Variants in MYO16 observed in about 807,000 individuals in gnomAD.
MYO16 encodes myosin XVI.
MYO16 carries 94 observed loss-of-function variants against 205.3 expected under a neutral mutation model. That is an observed-to-expected ratio of 0.46 (90% confidence interval 0.39 to 0.54). MYO16 has a LOEUF of 0.54. Among genes scored for constraint, MYO16 ranks in the 20% least tolerant of loss-of-function variants. MYO16 has a pLI of 0.00. For synonymous variants in MYO16, 988 were observed against 954.0 expected (o/e 1.04, Z -0.66); for missense variants, 2,315 against 2,387.5 (o/e 0.97, Z 0.63).
At chr13:108,727,317 G>C in intron 3 of MYO16, 123 bp from the exon 4 acceptor site, 1 of 936,004 alleles carries the variant, frequency 1.1e-6, no homozygotes, top group Non-Finnish European at 1.6e-6. Context: ...CTTTTCCCAG[G>C]TTAGCTTCAC....
In MYO16 at chr13:109,179,410, A is replaced by AGTT. The variant is rs1434661721; in HGVS notation, c.5324-131_5324-129dup. 4.7e-6 allele frequency: 3 copies of AGTT among 634,336 alleles called. No individual in the cohort carries two copies. In the East Asian group the frequency reaches 8.6e-5, roughly 18 times the overall value. The allele number at this position is 634,336 out of a possible 1,614,324, so 39.3% of individuals were successfully genotyped here. On this transcript the variant is annotated intron_variant, in intron 33 of 34. Transcript: ENST00000457511. Reference sequence around the variant, plus strand: ...TGTTTCATTGCAAAATTTAGTATTTAGTTTGTGTTTAAGGATCATCATTTC... The same window carrying AGTT: ...TGTTTCATTGCAAAATTTAGTATTTAGTTGTTTGTGTTTAAGGATCATCATTTC...
intron 23 of MYO16, among the ~76,000 whole-genome samples, chr13:109,044,302 T>C (rs1296091580): frequency 1.3e-5 from 2 of 152,132 alleles, no homozygotes; most frequent in Non-Finnish European, 2.9e-5. Context: ...AAAAGCATGT[T>C]TAGAAAGTGG....
intron 27 of MYO16, among the ~76,000 whole-genome samples, chr13:109,070,889 T>A (rs759740104): frequency 1.3e-5 from 2 of 152,136 alleles, no homozygotes; most frequent in Non-Finnish European, 2.9e-5. Context: ...TGATCTCATG[T>A]TTAGGTGAGA....
At chr13:108,520,888 T>C in the MYO16 span, among the ~76,000 whole-genome samples, 1 of 152,180 alleles carries the variant, frequency 6.6e-6, no homozygotes, top group Admixed American at 6.5e-5. Flanking sequence ...TTGGAATTAA[T>C]TACAATTTGG....
At chr13:108,995,473 T>C (rs1884972191) in intron 21 of MYO16, among the ~76,000 whole-genome samples, 1 of 152,164 alleles carries the variant, frequency 6.6e-6, no homozygotes, top group African/African-American at 2.4e-5. Flanking sequence ...AGTTTTAGGG[T>C]ACATGTGCAC....
chr13:108,651,262 A>G (rs1005685376), intron 1 of MYO16, among the ~76,000 whole-genome samples: 1 of 152,166 alleles, frequency 6.6e-6, no homozygotes, highest in Non-Finnish European at 1.5e-5. Context: ...CCTGCAGGGC[A>G]TAGTACACTC....
chr13:108,798,236 G>C (rs59417717), intron 6 of MYO16, among the ~76,000 whole-genome samples: 61,400 of 151,546 alleles, frequency 0.41, 12,557 homozygotes, highest in Middle Eastern at 0.49. Flanking sequence ...GAAGAAGACA[G>C]TTTTGTTCAG....
At chr13:108,933,466 A>G (rs1882347372) in intron 16 of MYO16, among the ~76,000 whole-genome samples, 1 of 152,032 alleles carries the variant, frequency 6.6e-6, no homozygotes, top group Admixed American at 6.6e-5. Context: ...AAGATATATT[A>G]GATATCGATA....
At chr13:108,857,403 G>A (rs1446539361) in intron 11 of MYO16, among the ~76,000 whole-genome samples, 3 of 152,156 alleles carry the variant, frequency 2.0e-5, no homozygotes, top group Non-Finnish European at 4.4e-5. Flanking sequence ...GTGTTCTAAC[G>A]TACCTTCTCC....
At chr13:108,668,570 G>A (rs1926542) in intron 2 of MYO16, among the ~76,000 whole-genome samples, 50,298 of 152,014 alleles carry the variant, frequency 0.33, 9,058 homozygotes, top group African/African-American at 0.49. Context: ...TCCAGCTTCC[G>A]GAGGCCACCT....
chr13:108,817,615 T>C (rs553061284), intron 7 of MYO16, among the ~76,000 whole-genome samples: 34 of 152,324 alleles, frequency 2.2e-4, no homozygotes, highest in Non-Finnish European at 4.4e-4. Flanking sequence ...ATTTTATAAC[T>C]GTGCGCTTAT....
chr13:108,849,052 CA>C (rs1041653686), intron 10 of MYO16, among the ~76,000 whole-genome samples: 4 of 152,154 alleles, frequency 2.6e-5, no homozygotes, highest in African/African-American at 4.8e-5. Flanking sequence ...AAAAGGAGGG[CA>C]AAACTACACA....
At chr13:108,980,045 G>C (rs1451562235) in intron 20 of MYO16, among the ~76,000 whole-genome samples, 1 of 152,068 alleles carries the variant, frequency 6.6e-6, no homozygotes, top group Non-Finnish European at 1.5e-5. Flanking sequence ...TTTGCCTTAA[G>C]TACATGTTTT....
At chr13:108,501,876 T>A in the MYO16 span, among the ~76,000 whole-genome samples, 2 of 152,208 alleles carry the variant, frequency 1.3e-5, no homozygotes, top group Non-Finnish European at 2.9e-5. Context: ...CTGAACATGA[T>A]GTTTAGTATA....
At chr13:108,579,575 G>T in the MYO16 span, among the ~76,000 whole-genome samples, 2 of 151,844 alleles carry the variant, frequency 1.3e-5, no homozygotes, top group Non-Finnish European at 2.9e-5. Context: ...TAAGTAGCTG[G>T]GATTACAGGC....
chr13:108,972,955 A>G (rs150874081), intron 20 of MYO16, among the ~76,000 whole-genome samples: 5 of 152,092 alleles, frequency 3.3e-5, no homozygotes, highest in African/African-American at 9.6e-5. Context: ...TGAACGAAGG[A>G]ACTGGCATGC....
At chr13:108,917,306 C>T (rs1881540661) in intron 16 of MYO16, among the ~76,000 whole-genome samples, 1 of 152,170 alleles carries the variant, frequency 6.6e-6, no homozygotes, top group African/African-American at 2.4e-5. Context: ...CATTTGGCTC[C>T]TGCGTAGGGA....
the MYO16 span, among the ~76,000 whole-genome samples, chr13:108,526,636 A>G: frequency 1.3e-5 from 2 of 152,230 alleles, no homozygotes; most frequent in Non-Finnish European, 2.9e-5. Flanking sequence ...ATAGTTAAAA[A>G]GAAGAATTTT....
chr13:108,942,407 ATTG>A (rs1422209385), intron 16 of MYO16, among the ~76,000 whole-genome samples: 7 of 152,234 alleles, frequency 4.6e-5, no homozygotes, highest in South Asian at 2.1e-4. Context: ...CATTTGCAGA[ATTG>A]TTAACGTTTT....
Sources: gnomAD v4.1 joint callset for allele counts (sites outside exome capture counted in the v4.1 genomes callset) on GRCh38, gnomAD v4.1.1 for gene constraint, MANE v1.5 for transcripts, NCBI Gene and HGNC (gene_info 2026-07-23, HGNC 2026-07-21) for gene names.